The following PTAR1 variants were observed in gnomAD, a reference collection of about 807,000 sequenced individuals.
PTAR1 encodes protein prenyltransferase alpha subunit repeat containing 1, also known as protein prenyltransferase alpha subunit repeat-containing protein 1.
In PTAR1, 17 loss-of-function variants were observed where a neutral mutation model predicts 45.5. The observed-to-expected ratio is 0.37, with a 90% CI of 0.26 to 0.56. The LOEUF (loss-of-function observed/expected upper bound fraction) is 0.56, where lower values mean the gene tolerates loss of function less well. Ranked by LOEUF, PTAR1 falls within the 20% of genes least tolerant of loss-of-function variation. The pLI, the probability that PTAR1 is intolerant of heterozygous loss-of-function variation, is 0.77. For missense variants in PTAR1, 391 were observed against 476.3 expected, an observed-to-expected ratio of 0.82 and a Z score of 1.67; for synonymous variants, 169 against 171.3, an observed-to-expected ratio of 0.99 and a Z score of 0.11.
rs1431172231 is a variant in PTAR1, at chr9:69,710,793, AATGGCCAATGCCTGACCCTGCACC to A, written c.*7525_*7548del. On this transcript the variant is annotated 3_prime_UTR_variant, in exon 8 of 8. Coordinates refer to ENST00000340434, the MANE Select transcript of PTAR1 (RefSeq NM_001099666.2). ...AAAATAGTTAGCCAAACTTATCTTT[AATGGCCAATGCCTGACCCTGCACC>A]ATAGATTATATATGTAACTTTTCCA... The A allele has an allele frequency of 6.6e-6, 1 of 152,186 alleles. No homozygotes were observed. The highest frequency in any genetic ancestry group is 1.5e-5 in the Non-Finnish European group (1 of 68,026). The allele number at this position is 152,186 out of a possible 1,614,324, so 9.4% of individuals were successfully genotyped here.
intron 2 of PTAR1, among the ~76,000 whole-genome samples, chr9:69,745,597 T>C (rs941051715): frequency 6.6e-6 from 1 of 152,236 alleles, no homozygotes; most frequent in African/African-American, 2.4e-5. Flanking sequence ...TATGTGAAGA[T>C]ACAGGAAGAC....
At chr9:69,740,371 T>C (rs1825987193) in intron 3 of PTAR1, among the ~76,000 whole-genome samples, 1 of 152,022 alleles carries the variant, frequency 6.6e-6, no homozygotes, top group Non-Finnish European at 1.5e-5. Context: ...TTATAGAATA[T>C]ACAATGAATA....
chr9:69,735,355 C>T (rs1472860371), intron 3 of PTAR1, among the ~76,000 whole-genome samples: 3 of 152,144 alleles, frequency 2.0e-5, no homozygotes, highest in Admixed American at 6.5e-5. Flanking sequence ...TTCATATCAT[C>T]TCTAGATTAC....
At chr9:69,751,897 T>C (rs997589888) in intron 1 of PTAR1, among the ~76,000 whole-genome samples, 3 of 152,066 alleles carry the variant, frequency 2.0e-5, no homozygotes, top group Non-Finnish European at 4.4e-5. Context: ...AGAGATTTAA[T>C]AAACAATATG....
intron 3 of PTAR1, among the ~76,000 whole-genome samples, chr9:69,734,902 T>C (rs1055665142): frequency 6.6e-6 from 1 of 152,226 alleles, no homozygotes; most frequent in African/African-American, 2.4e-5. Context: ...GTAATGAACA[T>C]TTTAAATGAT....
chr9:69,758,585 C>G (rs933349972), intron 1 of PTAR1: 1 of 266,868 alleles, frequency 3.7e-6, no homozygotes, highest in South Asian at 3.4e-5. Flanking sequence ...TCAGAGGTGG[C>G]AGGTGTGTTT....
intron 6 of PTAR1, among the ~76,000 whole-genome samples, 159 bp downstream of exon 6, chr9:69,723,167 T>C (rs1030294383): frequency 2.0e-5 from 3 of 151,932 alleles, no homozygotes; most frequent in Admixed American, 6.6e-5. Flanking sequence ...ATGACGATGA[T>C]ATGGTAACAC....
rs1342168809 is a variant in PTAR1 at position 69,714,900 on chromosome 9, T to C, written c.*3442A>G. The C allele has an allele frequency of 6.6e-6, 1 of 151,988 alleles. No homozygotes were observed. 9.4% of individuals were successfully genotyped at this position (151,988 alleles called of 1,614,324 possible). On this transcript the variant is annotated 3_prime_UTR_variant, in exon 8 of 8. Coordinates refer to ENST00000340434, the MANE Select transcript of PTAR1 (RefSeq NM_001099666.2). ...ATGACTCATACAGATTTAAGAAATATCTGAAAGAGTCACAGTTCAAGTTGC... is the reference window on the plus strand; with the variant it reads ...ATGACTCATACAGATTTAAGAAATACCTGAAAGAGTCACAGTTCAAGTTGC...
chr9:69,748,198 CTAAG>C (rs1162529671), intron 2 of PTAR1, among the ~76,000 whole-genome samples: 2 of 151,960 alleles, frequency 1.3e-5, no homozygotes, highest in Non-Finnish European at 2.9e-5. Flanking sequence ...CAGATATAGA[CTAAG>C]TGGGGGCTGT....
At chr9:69,735,965 T>C (rs1258626398) in intron 3 of PTAR1, among the ~76,000 whole-genome samples, 2 of 149,832 alleles carry the variant, frequency 1.3e-5, no homozygotes, top group Admixed American at 1.3e-4. Flanking sequence ...ATATAAAATA[T>C]ATATTTTTTT....
intron 3 of PTAR1, among the ~76,000 whole-genome samples, chr9:69,741,069 C>T: frequency 6.6e-6 from 1 of 152,060 alleles, no homozygotes; most frequent in East Asian, 1.9e-4. Context: ...GATTGTGCAA[C>T]CCTAGAAAAT....
At chr9:69,723,912 T>C (rs777990789) in intron 5 of PTAR1, among the ~76,000 whole-genome samples, 4 of 152,194 alleles carry the variant, frequency 2.6e-5, no homozygotes, top group African/African-American at 4.8e-5. Flanking sequence ...ACATTCTGAT[T>C]GGTACACACA....
chr9:69,727,371 A>G (rs1825337419), intron 5 of PTAR1, among the ~76,000 whole-genome samples: 2 of 152,100 alleles, frequency 1.3e-5, no homozygotes, highest in Admixed American at 1.3e-4. Flanking sequence ...CATGAGTTCA[A>G]CTTGTTTAGA....
At chr9:69,754,234 GT>G (rs754134063) in intron 1 of PTAR1, among the ~76,000 whole-genome samples, 1 of 152,038 alleles carries the variant, frequency 6.6e-6, no homozygotes, top group African/African-American at 2.4e-5. Flanking sequence ...GCATTCCTCT[GT>G]CATTTCATCT....
intron 2 of PTAR1, among the ~76,000 whole-genome samples, chr9:69,748,604 C>A (rs1321695613): frequency 1.3e-5 from 2 of 152,088 alleles, no homozygotes; most frequent in African/African-American, 2.4e-5. Context: ...ATCACACAGA[C>A]AGACATTCAG....
At chr9:69,738,854 C>T (rs1370917460) in intron 3 of PTAR1, among the ~76,000 whole-genome samples, 3 of 147,008 alleles carry the variant, frequency 2.0e-5, no homozygotes, top group Non-Finnish European at 4.4e-5. Context: ...TGTCACCAGG[C>T]TGGAGTGCAG....
In PTAR1 at chr9:69,711,979, T is replaced by C. The variant is rs903977159; in HGVS notation, c.*6363A>G. 2 of 152,074 alleles carry C rather than the reference T, an allele frequency of 1.3e-5. No individual in the cohort carries two copies. Among genetic ancestry groups the C allele is most frequent in the African/African-American group, 4.8e-5 (2 of 41,428 alleles). 9.4% of individuals were successfully genotyped at this position (152,074 alleles called of 1,614,324 possible). On this transcript the variant is annotated 3_prime_UTR_variant, in exon 8 of 8. Transcript: ENST00000340434. ...GAGCATCTACTATAACTGTACCCAG[T>C]CTTTAACTAATAAGAAAAAAATACC...
chr9:69,759,157 C>CAGCA (rs1157570835), intron 1 of PTAR1, among the ~76,000 whole-genome samples: 1 of 152,198 alleles, frequency 6.6e-6, no homozygotes, highest in Non-Finnish European at 1.5e-5. Context: ...TTAAAGAGGG[C>CAGCA]AGCAGTGTTG....
Position 69,712,665 on chromosome 9 carries a change from A to C in PTAR1, c.*5677T>G, listed in dbSNP as rs1361842790. On this transcript the variant is annotated 3_prime_UTR_variant, in exon 8 of 8. Coordinates refer to ENST00000340434, the MANE Select transcript of PTAR1 (RefSeq NM_001099666.2). ...TATATGAGGTCTACACATAAAACAA[A>C]GGGAAACTGAAGTCTTTGGAAGCAA... is the stretch of plus-strand genomic sequence containing the variant. 6.6e-6 allele frequency: 1 copy of C among 152,180 alleles called. No homozygotes were observed. Among genetic ancestry groups the C allele is most frequent in the Non-Finnish European group, 1.5e-5 (1 of 68,006 alleles). The allele number at this position is 152,180 out of a possible 1,614,324, so 9.4% of individuals were successfully genotyped here.
Sources: gnomAD v4.1 joint callset for allele counts (sites outside exome capture counted in the v4.1 genomes callset) on GRCh38, gnomAD v4.1.1 for gene constraint, MANE v1.5 for transcripts, NCBI Gene and HGNC (gene_info 2026-07-23, HGNC 2026-07-21) for gene names.